Variants in ADGRL3 observed in about 807,000 individuals in gnomAD.
ADGRL3 encodes adhesion G protein-coupled receptor L3, also known as calcium-independent alpha-latrotoxin receptor 3.
Under a neutral mutation model 153.5 loss-of-function variants are expected in ADGRL3, and 62 were observed. The observed-to-expected ratio is 0.40, with a 90% CI of 0.33 to 0.50. The LOEUF is 0.50. Ranked by LOEUF, ADGRL3 falls within the 20% of genes least tolerant of loss-of-function variation. ADGRL3 has a pLI of 0.47. For missense variants in ADGRL3, 1,641 were observed against 1,859.4 expected (o/e 0.88, Z 2.16); for synonymous variants, 710 against 672.5 (o/e 1.06, Z -0.86).
chr4:61,798,741 C>A (rs2097446565), intron 8 of ADGRL3, among the ~76,000 whole-genome samples: 1 of 151,332 alleles, frequency 6.6e-6, no homozygotes, highest in South Asian at 2.1e-4. Flanking sequence ...CCTTAGCCTC[C>A]CGAGTGGCTG....
Position 61,582,682 on chromosome 4 carries a change from G to A in ADGRL3, c.260-4545G>A, listed in dbSNP as rs369323916. Reference sequence around the variant, plus strand: ...ATTTGACTAGGACATTGAAGACTTGGCCCAGGGAGAGACAGAGAAATGTTT... The same window carrying A: ...ATTTGACTAGGACATTGAAGACTTGACCCAGGGAGAGACAGAGAAATGTTT... On this transcript the variant is annotated intron_variant, in intron 4 of 26. Coordinates refer to ENST00000683033, the MANE Select transcript of ADGRL3 (RefSeq NM_001387552.1). Among the ~76,000 whole-genome samples, 4 of 151,656 alleles carry A rather than the reference G, an allele frequency of 2.6e-5. 1 individual carries two copies. Among genetic ancestry groups the A allele is most frequent in the African/African-American group, 9.7e-5 (4 of 41,386 alleles).
Position 61,979,586 on chromosome 4 carries a change from C to T in ADGRL3, c.2829C>T (p.Leu943=). 6 of 1,613,876 alleles carry T rather than the reference C, an allele frequency of 3.7e-6. No individual in the cohort carries two copies. In the African/African-American group the frequency reaches 4.0e-5, roughly 11 times the overall value. Residue 943 remains leucine, a synonymous_variant, in exon 18 of 27, where the codon CTC becomes CTT. Coordinates refer to ENST00000683033, the MANE Select transcript of ADGRL3 (RefSeq NM_001387552.1). ...EVKHSDAVHD[L]LLDVITWVGI... ...AGCACAGTGATGCGGTCCATGACCT[C>T]CTTCTGGATGTGATCACGTGGGTTG...
chr4:61,901,725 A>G (rs2149714186), intron 11 of ADGRL3, among the ~76,000 whole-genome samples: 1 of 152,294 alleles, frequency 6.6e-6, no homozygotes, highest in East Asian at 1.9e-4. Context: ...CTGAATTTTA[A>G]AAAATTGTTT....
In ADGRL3 at chr4:61,912,684, A is replaced by C. The variant is rs769891866; in HGVS notation, c.2074-35A>C. On this transcript the variant is annotated intron_variant, in intron 12 of 26. Coordinates refer to ENST00000683033, the MANE Select transcript of ADGRL3 (RefSeq NM_001387552.1). ...CTTCTGTCACTAACTTGTTTTTTCT[A>C]TTCTGTGTTTAATCTGCTGTCTTAA... The C allele has an allele frequency of 6.2e-7, 1 of 1,602,460 alleles. No individual in the cohort carries two copies. The highest frequency in any genetic ancestry group is 1.1e-5 in the South Asian group (1 of 90,416).
At chr4:61,237,995 T>G (rs1176223604) in intron 1 of ADGRL3, among the ~76,000 whole-genome samples, 1 of 152,194 alleles carries the variant, frequency 6.6e-6, no homozygotes, top group Non-Finnish European at 1.5e-5. Flanking sequence ...TATCAATTCA[T>G]TGGAGGCCTA....
chr4:61,793,376 A>G (rs1467064155), intron 8 of ADGRL3, among the ~76,000 whole-genome samples: 2 of 152,152 alleles, frequency 1.3e-5, no homozygotes, highest in South Asian at 2.1e-4. Context: ...GTGAGCCAAC[A>G]TCGCCCACTG....
At chr4:61,709,663 C>A (rs977368352) in intron 6 of ADGRL3, among the ~76,000 whole-genome samples, 1 of 152,136 alleles carries the variant, frequency 6.6e-6, no homozygotes, top group African/African-American at 2.4e-5. Flanking sequence ...GCCTCGAAAG[C>A]CTGGTCTCAC....
intron 6 of ADGRL3, among the ~76,000 whole-genome samples, chr4:61,682,691 C>T (rs2095363268): frequency 6.6e-6 from 1 of 151,706 alleles, no homozygotes; most frequent in Non-Finnish European, 1.5e-5. Flanking sequence ...CAGGCATGAG[C>T]CACTGTGCCC....
chr4:61,274,664 G>C (rs2093375468), intron 1 of ADGRL3, among the ~76,000 whole-genome samples: 1 of 152,138 alleles, frequency 6.6e-6, no homozygotes, highest in Admixed American at 6.5e-5. Flanking sequence ...GATTGGGCCA[G>C]ATAAAATGGA....
At chr4:61,832,179 G>A (rs891521072) in intron 9 of ADGRL3, among the ~76,000 whole-genome samples, 36 of 152,054 alleles carry the variant, frequency 2.4e-4, no homozygotes, top group African/African-American at 8.5e-4. Context: ...CTTGGAGAGG[G>A]GCCAAGCAGT....
At chr4:61,430,547 C>G (rs888587170) in intron 2 of ADGRL3, among the ~76,000 whole-genome samples, 1 of 152,068 alleles carries the variant, frequency 6.6e-6, no homozygotes. Context: ...AAATTTATTT[C>G]TATTTTTCAT....
At chr4:61,865,341 T>C (rs1238817521) in intron 9 of ADGRL3, among the ~76,000 whole-genome samples, 1 of 152,050 alleles carries the variant, frequency 6.6e-6, no homozygotes, top group Non-Finnish European at 1.5e-5. Flanking sequence ...TTGAAGCTTG[T>C]GGGGGTGTCA....
At chr4:61,745,022 G>A (rs918601753) in intron 8 of ADGRL3, among the ~76,000 whole-genome samples, 61 of 152,186 alleles carry the variant, frequency 4.0e-4, no homozygotes, top group Non-Finnish European at 7.9e-4. Flanking sequence ...GTGCTTAAAG[G>A]AGCTGATGGA....
intron 1 of ADGRL3, among the ~76,000 whole-genome samples, chr4:61,217,642 A>G (rs1743434519): frequency 6.6e-6 from 1 of 152,190 alleles, no homozygotes; most frequent in Admixed American, 6.5e-5. Flanking sequence ...TCAGGCACTG[A>G]AGATTTGAGT....
At chr4:61,827,701 C>G (rs113417181) in intron 9 of ADGRL3, among the ~76,000 whole-genome samples, 53 of 152,064 alleles carry the variant, frequency 3.5e-4, no homozygotes, top group African/African-American at 1.3e-3. Context: ...AATAGACCTC[C>G]TTGATTGTTT....
At chr4:61,220,146 T>C (rs1312667902) in intron 1 of ADGRL3, among the ~76,000 whole-genome samples, 1 of 148,518 alleles carries the variant, frequency 6.7e-6, no homozygotes, top group Non-Finnish European at 1.5e-5. Flanking sequence ...AAAAAGAAAA[T>C]ACAAAGTCAT....
intron 17 of ADGRL3, among the ~76,000 whole-genome samples, chr4:61,955,409 T>A (rs2098962325): frequency 6.6e-6 from 1 of 152,176 alleles, no homozygotes; most frequent in Admixed American, 6.5e-5. Context: ...ATACATATAC[T>A]TTCATTCATT....
intron 2 of ADGRL3, among the ~76,000 whole-genome samples, chr4:61,462,007 A>T (rs2097825689): frequency 6.6e-6 from 1 of 152,206 alleles, no homozygotes; most frequent in Admixed American, 6.5e-5. Flanking sequence ...ACTGTACAAG[A>T]GGTAAAATAA....
Position 61,322,358 on chromosome 4 carries a change from A to T in ADGRL3, c.-239-60766A>T, listed in dbSNP as rs147407934. 5.7e-3 allele frequency among the ~76,000 whole-genome samples: 873 copies of T among 152,328 alleles called. 3 individuals are homozygous for T. The highest frequency in any genetic ancestry group is 8.3e-3 in the Non-Finnish European group (567 of 68,036). The stretch of plus-strand genomic sequence containing the variant: ...TCCACCCCAGTCCCTCCAAAATCTT[A>T]CATCTTCACATTTCAAAACCAATCA... On this transcript the variant is annotated intron_variant, in intron 1 of 26. Transcript: ENST00000683033.
Sources: allele counts gnomAD v4.1 joint callset (sites outside exome capture counted in the v4.1 genomes callset), GRCh38; gene constraint gnomAD v4.1.1; transcripts MANE v1.5; gene names NCBI Gene and HGNC (gene_info 2026-07-23, HGNC 2026-07-21).